NRK: variants seen among roughly 807,000 people sequenced by gnomAD.
The protein encoded by NRK is nik-related protein kinase.
Under a neutral mutation model 125.2 loss-of-function variants are expected in NRK, and 67 were observed. The observed-to-expected ratio is 0.54, with a 90% confidence interval of 0.44 to 0.66. The LOEUF is 0.66. Ranked by LOEUF, NRK falls within the 30% of genes least tolerant of loss-of-function variation. NRK has a pLI of 0.00. For synonymous variants in NRK, 458 were observed against 429.0 expected (o/e 1.07, Z -0.84); for missense variants, 1,224 against 1,192.9 (o/e 1.03, Z -0.38).
chrX:105,895,634 G>C, intron 7 of NRK, 111 bp downstream of exon 7: 3 of 531,870 alleles, frequency 5.6e-6, no homozygotes, highest in Non-Finnish European at 9.1e-6. Flanking sequence ...ACTTATTTGA[G>C]CTGGGTTTTC....
chrX:105,897,794 GTTTTTC>G (rs908345342), intron 7 of NRK, among the ~76,000 whole-genome samples: 2 of 111,882 alleles, frequency 1.8e-5, no homozygotes, highest in Non-Finnish European at 3.8e-5. Flanking sequence ...AAACTCTTAG[GTTTTTC>G]TTTTTCCTTT....
At chrX:105,914,201 CATTTTTAA>C (rs2040336683) in intron 14 of NRK, among the ~76,000 whole-genome samples, 1 of 110,816 alleles carries the variant, frequency 9.0e-6, no homozygotes, top group Non-Finnish European at 1.9e-5. Context: ...GGACAACTCT[CATTTTTAA>C]GTACAATTCC....
At chrX:105,916,120 A>G (rs1347904992) in intron 15 of NRK, among the ~76,000 whole-genome samples, 1 of 111,478 alleles carries the variant, frequency 9.0e-6, no homozygotes, top group Non-Finnish European at 1.9e-5. Context: ...ATGAAATTTC[A>G]AGTGAATTTT....
intron 23 of NRK, 68 bp downstream of exon 23, chrX:105,940,100 AT>A: frequency 1.3e-6 from 1 of 790,304 alleles, no homozygotes; most frequent in Non-Finnish European, 1.8e-6. Flanking sequence ...GAACTACATA[AT>A]TATGAAAGGC....
At chrX:105,879,011 C>G (rs1404245856) in intron 2 of NRK, among the ~76,000 whole-genome samples, 1 of 111,145 alleles carries the variant, frequency 9.0e-6, no homozygotes, top group Non-Finnish European at 1.9e-5. Context: ...GGAAACTGTT[C>G]CTTGTCTCTT....
At position 105,909,349 on chromosome X, in the gene NRK, C is replaced by A. The variant is rs770227353; in HGVS notation, c.1708C>A (p.Gln570Lys). ...ACAGGAACAGGCTGCCGAGCCTGCA[C>A]AGGCAGAGACTGAGGCAGAGGAACC... is the stretch of plus-strand genomic sequence containing the variant. Reference protein sequence around the residue: ...EVQEQAAEPAQAETEAEEPES... With the variant: ...EVQEQAAEPAKAETEAEEPES... The change falls in exon 13 of 29, where the codon CAG (glutamine) becomes AAG (lysine). Residue 570 changes from glutamine to lysine, a missense_variant. Physicochemically the swap from Gln to Lys is moderately conservative, Grantham distance 53. Coordinates refer to ENST00000243300, the MANE Select transcript of NRK (RefSeq NM_198465.4). 10 of 1,204,395 alleles carry A rather than the reference C, an allele frequency of 8.3e-6. No individual in the cohort carries two copies. Among genetic ancestry groups the A allele is most frequent in the Non-Finnish European group, 1.1e-5 (10 of 891,371 alleles).
intron 17 of NRK, 89 bp from the exon 18 acceptor site, chrX:105,923,029 A>G (rs760945256): frequency 1.1e-6 from 1 of 928,641 alleles, no homozygotes; most frequent in African/African-American, 2.0e-5. Flanking sequence ...TTTAAAATAT[A>G]TTTCAAAATG....
intron 19 of NRK, among the ~76,000 whole-genome samples, chrX:105,926,442 T>C (rs1257412169): frequency 1.8e-5 from 2 of 111,877 alleles, no homozygotes; most frequent in East Asian, 2.8e-4. Flanking sequence ...ATATTTTCTC[T>C]CATTCTTCAG....
intron 9 of NRK, among the ~76,000 whole-genome samples, 173 bp from the exon 10 acceptor site, chrX:105,905,092 A>G (rs1331238435): frequency 5.3e-5 from 6 of 112,482 alleles, no homozygotes; most frequent in Non-Finnish European, 7.5e-5. Flanking sequence ...GCAACATTGC[A>G]TTAAAACGAG....
At chrX:105,859,239 G>A (rs976012646) in intron 2 of NRK, among the ~76,000 whole-genome samples, 1 of 111,652 alleles carries the variant, frequency 9.0e-6, no homozygotes, top group African/African-American at 3.3e-5. Flanking sequence ...ATATTGATAT[G>A]TGCTTTATAA....
At chrX:105,838,440 G>A (rs928186325) in intron 2 of NRK, among the ~76,000 whole-genome samples, 1 of 110,653 alleles carries the variant, frequency 9.0e-6, no homozygotes, top group Non-Finnish European at 1.9e-5. Flanking sequence ...CAATGAATTG[G>A]TATCCAGAAT....
intron 26 of NRK, chrX:105,948,345 G>C (rs916978882): frequency 1.3e-4 from 20 of 154,246 alleles, no homozygotes; most frequent in African/African-American, 5.6e-4. Context: ...CTAGTGTCTT[G>C]ACCCATTTAA....
At chrX:105,889,590 G>A (rs184961662) in intron 5 of NRK, among the ~76,000 whole-genome samples, 25 of 112,406 alleles carry the variant, frequency 2.2e-4, no homozygotes, top group East Asian at 1.4e-3. Context: ...AGCAAACTTC[G>A]GCCTGGACAT....
chrX:105,910,743 G>A (rs914400123), intron 13 of NRK, among the ~76,000 whole-genome samples: 1 of 111,276 alleles, frequency 9.0e-6, no homozygotes, highest in Non-Finnish European at 1.9e-5. Flanking sequence ...TCAGGGTAAG[G>A]TTGATGGTCC....
chrX:105,905,375 A>G (rs2040207354), intron 10 of NRK, 32 bp downstream of exon 10: 9 of 1,006,015 alleles, frequency 8.9e-6, no homozygotes, highest in Non-Finnish European at 1.3e-5. Flanking sequence ...TCCTAATTAC[A>G]TTGACTTGAC....
chrX:105,924,700 G>A lies in NRK; in HGVS notation c.2981G>A (p.Ser994Asn), dbSNP rs775239231. ...TAATTGGAGCTTGTTGTCAGGGCAA[G>A]CTATGGCAGAGATGGAAGCTGCAAG... ...YYEAPSCPRA[S>N]YGRDGSCKQD... The change falls in exon 19 of 29, where the codon AGC becomes AAC. Residue 994 changes from serine to asparagine, a missense_variant. Physicochemically the swap from Ser to Asn is conservative, Grantham distance 46. Coordinates refer to ENST00000243300, the MANE Select transcript of NRK (RefSeq NM_198465.4). The A allele has an allele frequency of 2.8e-5, 33 of 1,190,139 alleles. No homozygotes were observed. The highest frequency in any genetic ancestry group is 3.6e-5 in the Non-Finnish European group (32 of 884,667).
chrX:105,958,452 A>G lies in NRK; in HGVS notation c.*2852A>G, dbSNP rs973527142. The G allele has an allele frequency of 1.8e-5, 2 of 112,497 alleles. No homozygotes were observed. Among genetic ancestry groups the G allele is most frequent in the Non-Finnish European group, 3.8e-5 (2 of 53,276 alleles). 9.3% of individuals were successfully genotyped at this position (112,497 alleles called of 1,213,427 possible). Reference sequence around the variant, plus strand: ...CTAGGAATAATGCCACATGCATTCAATGGGATCTTTTAAGTACTCTTCAGT... The same window carrying G: ...CTAGGAATAATGCCACATGCATTCAGTGGGATCTTTTAAGTACTCTTCAGT... On this transcript the variant is annotated 3_prime_UTR_variant, in exon 29 of 29. Transcript: ENST00000243300.
intron 2 of NRK, among the ~76,000 whole-genome samples, chrX:105,843,703 G>A (rs1033418870): frequency 9.9e-5 from 11 of 111,312 alleles, no homozygotes; most frequent in Admixed American, 6.7e-4. Flanking sequence ...TATAAGGATG[G>A]CTTCAAGAGA....
intron 11 of NRK, chrX:105,907,595 T>C (rs770465180): frequency 8.9e-6 from 1 of 112,202 alleles, no homozygotes; most frequent in Non-Finnish European, 1.9e-5. Flanking sequence ...ATCTATATGG[T>C]AATTTGCTAA....
Sources: gnomAD v4.1 joint callset for allele counts (sites outside exome capture counted in the v4.1 genomes callset) on GRCh38, gnomAD v4.1.1 for gene constraint, MANE v1.5 for transcripts, NCBI Gene and HGNC (gene_info 2026-07-23, HGNC 2026-07-21) for gene names.